ADAM22: variants seen among roughly 807,000 people sequenced by gnomAD.
The protein encoded by ADAM22 is ADAM metallopeptidase domain 22.
A neutral mutation model predicts 144.6 loss-of-function variants in ADAM22; 65 were observed. The ratio of observed to expected loss-of-function variants is 0.45; its 90% CI spans 0.37 to 0.55. The LOEUF (loss-of-function observed/expected upper bound fraction) is 0.55, where lower values mean the gene tolerates loss of function less well. Among genes scored for constraint, ADAM22 ranks in the 20% least tolerant of loss-of-function variants. The pLI, the probability that ADAM22 is intolerant of heterozygous loss-of-function variation, is 0.00. For missense variants in ADAM22, 974 were observed against 1,184.9 expected, an observed-to-expected ratio of 0.82 and a Z score of 2.61; for synonymous variants, 391 against 412.6, an observed-to-expected ratio of 0.95 and a Z score of 0.63.
At chr7:88,083,893 G>T in intron 4 of ADAM22, among the ~76,000 whole-genome samples, 1 of 151,954 alleles carries the variant, frequency 6.6e-6, no homozygotes, top group East Asian at 1.9e-4. Context: ...GGAGAATGGA[G>T]CCATTTTGTT....
In ADAM22 at chr7:87,935,072, C is replaced by T. The variant is rs751673689; in HGVS notation, c.132C>T (p.Phe44=). Residue 44 remains phenylalanine, a synonymous_variant, in exon 2 of 32, where the codon TTC becomes TTT. Coordinates refer to ENST00000413139, the MANE Select transcript of ADAM22 (RefSeq NM_001324418.2). The part of the protein sequence containing the change: ...MELEKRKENR[F]VERQSIVPLR... ...TAGAGAAGAGGAAGGAAAACCGCTT[C>T]GTGGAGCGCCAGAGCATCGTGCCAC... 3.1e-5 allele frequency: 50 copies of T among 1,614,048 alleles called. No homozygotes were observed. In the Admixed American group the frequency reaches 8.2e-4, roughly 26 times the overall value.
chr7:88,025,092 G>A (rs1386323517), intron 3 of ADAM22, among the ~76,000 whole-genome samples: 1 of 152,100 alleles, frequency 6.6e-6, no homozygotes, highest in Non-Finnish European at 1.5e-5. Flanking sequence ...GGGTCAAATG[G>A]TATTTCTAGT....
chr7:88,128,130 C>G (rs915604455), intron 8 of ADAM22, among the ~76,000 whole-genome samples: 1 of 151,932 alleles, frequency 6.6e-6, no homozygotes, highest in African/African-American at 2.4e-5. Context: ...GTCCCTGTAC[C>G]CTCTCGGAGA....
rs151245034 is a variant in ADAM22, at chr7:88,019,279, G to A, written c.323+40867G>A. On this transcript the variant is annotated intron_variant, in intron 3 of 31. Transcript: ENST00000413139. ...ACTTGAGGCCAGGAGTTGGAGATCAGCCTGGCCAACATGGTGAAACTCTGT... is the reference window on the plus strand; with the variant it reads ...ACTTGAGGCCAGGAGTTGGAGATCAACCTGGCCAACATGGTGAAACTCTGT... Among the ~76,000 whole-genome samples, 348 of 152,202 alleles carry A rather than the reference G, an allele frequency of 2.3e-3. 3 individuals are homozygous for A. The highest frequency in any genetic ancestry group is 8.2e-3 in the African/African-American group (340 of 41,540).
In ADAM22 at chr7:88,102,332, G is replaced by A. The variant is rs561888878; in HGVS notation, c.391-5844G>A. On this transcript the variant is annotated intron_variant, in intron 4 of 31. Coordinates refer to ENST00000413139, the MANE Select transcript of ADAM22 (RefSeq NM_001324418.2). Reference sequence around the variant, plus strand: ...ATTCAGCAGGCCTGAGGGAAGGCCCGGGCATCAGTTGGTTTAGAAAGCCTA... The same window carrying A: ...ATTCAGCAGGCCTGAGGGAAGGCCCAGGCATCAGTTGGTTTAGAAAGCCTA... 5.7e-4 allele frequency among the ~76,000 whole-genome samples: 87 copies of A among 152,264 alleles called. 1 individual carries two copies. The highest frequency in any genetic ancestry group is 1.4e-3 in the East Asian group (7 of 5,178).
intron 3 of ADAM22, among the ~76,000 whole-genome samples, chr7:88,023,406 A>C (rs1286965228): frequency 6.6e-6 from 1 of 152,188 alleles, no homozygotes; most frequent in Admixed American, 6.5e-5. Context: ...TGTTACAAAC[A>C]ATCCAATTAT....
intron 3 of ADAM22, among the ~76,000 whole-genome samples, chr7:88,042,602 C>G (rs867624200): frequency 1.7e-4 from 26 of 151,986 alleles, no homozygotes; most frequent in African/African-American, 5.1e-4. Context: ...TACTCACATG[C>G]ACATTCAGTC....
chr7:88,089,930 G>A (rs1280997700), intron 4 of ADAM22: 1 of 152,064 alleles, frequency 6.6e-6, no homozygotes, highest in African/African-American at 2.4e-5. Flanking sequence ...GTCATTGGAG[G>A]TCTCCTGCTG....
At chr7:88,024,788 G>A (rs886865441) in intron 3 of ADAM22, among the ~76,000 whole-genome samples, 19 of 146,664 alleles carry the variant, frequency 1.3e-4, no homozygotes, top group Non-Finnish European at 2.7e-4. Flanking sequence ...ACCTATGAGC[G>A]AGAACATGCA....
At chr7:88,179,566 GGGGGTGATTATTTCTAGACTTTATAAGT>G (rs1310909683) in intron 27 of ADAM22, among the ~76,000 whole-genome samples, 6 of 151,992 alleles carry the variant, frequency 3.9e-5, no homozygotes, top group South Asian at 4.1e-4. Flanking sequence ...GCCTTTTTTG[GGGGGTGATTATTTCTAGACTTTATAAGT>G]TACAACTTAG....
intron 21 of ADAM22, among the ~76,000 whole-genome samples, chr7:88,154,389 A>G (rs1839310153): frequency 6.6e-6 from 1 of 152,148 alleles, no homozygotes; most frequent in African/African-American, 2.4e-5. Flanking sequence ...GCCTACATTT[A>G]TGCTCTATAA....
Position 88,039,464 on chromosome 7 carries a change from A to AAAAAAAAAAAAT in ADAM22, c.324-36161_324-36160insAAAAAAAAAATA. 2.6e-3 allele frequency among the ~76,000 whole-genome samples: 202 copies of AAAAAAAAAAAAT among 76,346 alleles called. 2 individuals are homozygous for AAAAAAAAAAAAT. Among genetic ancestry groups the AAAAAAAAAAAAT allele is most frequent in the African/African-American group, 9.2e-3 (195 of 21,090 alleles). The allele number at this position is 76,346 out of a possible 152,430, so 50.1% of individuals were successfully genotyped here. On this transcript the variant is annotated intron_variant, in intron 3 of 31. Transcript: ENST00000413139. Reference sequence around the variant, plus strand: ...GATTCTGTCTCAAAAAAAAAAAAAAAATATATATATATATATATATACATT... The same window carrying AAAAAAAAAAAAT: ...GATTCTGTCTCAAAAAAAAAAAAAAAAAAAAAAAAAATATATATATATATATATATATACATT...
chr7:87,966,795 A>C (rs1449627881), intron 2 of ADAM22, among the ~76,000 whole-genome samples: 1 of 115,916 alleles, frequency 8.6e-6, no homozygotes, highest in African/African-American at 3.4e-5. Flanking sequence ...GGGTAGTGAG[A>C]TCTACATGAT....
At chr7:87,996,007 C>T (rs1791126221) in intron 3 of ADAM22, among the ~76,000 whole-genome samples, 1 of 152,096 alleles carries the variant, frequency 6.6e-6, no homozygotes, top group African/African-American at 2.4e-5. Context: ...TTTCTGTGAC[C>T]TGAGATATTG....
In ADAM22 at chr7:88,196,915, A is replaced by G; in HGVS notation, c.*424A>G. On this transcript the variant is annotated 3_prime_UTR_variant, in exon 32 of 32. Transcript: ENST00000413139. ...TGCTATATGCATGAAGCTTCTGTTTATTGTTTTCCATATTTAAGGAAACAA... is the reference window on the plus strand; with the variant it reads ...TGCTATATGCATGAAGCTTCTGTTTGTTGTTTTCCATATTTAAGGAAACAA... 6.0e-6 allele frequency: 1 copy of G among 167,630 alleles called. No individual in the cohort carries two copies. The highest frequency in any genetic ancestry group is 1.6e-4 in the East Asian group (1 of 6,444). 10.4% of individuals were successfully genotyped at this position (167,630 alleles called of 1,614,324 possible).
chr7:87,994,637 C>G (rs890602772), intron 3 of ADAM22, among the ~76,000 whole-genome samples: 1 of 151,878 alleles, frequency 6.6e-6, no homozygotes, highest in African/African-American at 2.4e-5. Flanking sequence ...CACCCTGATT[C>G]CTCCTGTAGC....
At chr7:87,993,781 A>G (rs966911227) in intron 3 of ADAM22, among the ~76,000 whole-genome samples, 28 of 152,214 alleles carry the variant, frequency 1.8e-4, no homozygotes, top group Admixed American at 1.5e-3. Flanking sequence ...TCTTTGGGGT[A>G]ACTCAAAGGA....
At chr7:88,049,907 T>C (rs1016258344) in intron 3 of ADAM22, among the ~76,000 whole-genome samples, 4 of 152,006 alleles carry the variant, frequency 2.6e-5, no homozygotes, top group African/African-American at 9.7e-5. Flanking sequence ...AACTTTGAAA[T>C]ATGAAGTGCT....
chr7:88,108,578 A>C (rs927688256), intron 5 of ADAM22, among the ~76,000 whole-genome samples: 1 of 152,050 alleles, frequency 6.6e-6, no homozygotes, highest in Non-Finnish European at 1.5e-5. Flanking sequence ...AAAATACAAA[A>C]ATTAGCCGGG....
Sources: gnomAD v4.1 joint callset for allele counts (sites outside exome capture counted in the v4.1 genomes callset) on GRCh38, gnomAD v4.1.1 for gene constraint, MANE v1.5 for transcripts, NCBI Gene and HGNC (gene_info 2026-07-23, HGNC 2026-07-21) for gene names.